TULP4: variants seen among roughly 807,000 people sequenced by gnomAD.
The protein encoded by TULP4 is TUB like protein 4, also known as tubby-related protein 4.
In TULP4, 16 loss-of-function variants were observed where a neutral mutation model predicts 129.0. The ratio of observed to expected loss-of-function variants is 0.12; its 90% confidence interval spans 0.08 to 0.19. The LOEUF (loss-of-function observed/expected upper bound fraction) is 0.19. Ranked by LOEUF, TULP4 falls within the 10% of genes least tolerant of loss-of-function variation. TULP4 has a pLI of 1.00. For missense variants in TULP4, 1,842 were observed against 2,059.1 expected, an observed-to-expected ratio of 0.89 and a Z score of 2.04; for synonymous variants, 998 against 854.0, an observed-to-expected ratio of 1.17 and a Z score of -2.94.
intron 1 of TULP4, among the ~76,000 whole-genome samples, chr6:158,400,805 G>A (rs545316365): frequency 6.6e-6 from 1 of 152,156 alleles, no homozygotes; most frequent in Non-Finnish European, 1.5e-5. Context: ...AGCTAGCCGA[G>A]GTGTGTGTTA....
intron 2 of TULP4, among the ~76,000 whole-genome samples, chr6:158,427,124 C>T (rs1026759858): frequency 6.6e-6 from 1 of 152,128 alleles, no homozygotes; most frequent in African/African-American, 2.4e-5. Flanking sequence ...ATGGTATATT[C>T]ATACAACGGA....
intron 1 of TULP4, among the ~76,000 whole-genome samples, chr6:158,357,909 A>G (rs1780683763): frequency 6.6e-6 from 1 of 152,140 alleles, no homozygotes; most frequent in African/African-American, 2.4e-5. Flanking sequence ...TGGAGTCTTC[A>G]TTACATACTT....
chr6:158,245,820 A>G (rs1407193403), intron 1 of TULP4, among the ~76,000 whole-genome samples: 1 of 152,222 alleles, frequency 6.6e-6, no homozygotes, highest in East Asian at 1.9e-4. Flanking sequence ...ACTTGGAAAC[A>G]TATAGGCACA....
chr6:158,477,820 A>G (rs577685813), intron 6 of TULP4, among the ~76,000 whole-genome samples: 2 of 152,372 alleles, frequency 1.3e-5, no homozygotes, highest in Non-Finnish European at 2.9e-5. Context: ...TGTTCATTGC[A>G]GCACTATTCA....
intron 1 of TULP4, among the ~76,000 whole-genome samples, chr6:158,389,549 G>A (rs1290243587): frequency 2.6e-5 from 4 of 151,962 alleles, no homozygotes; most frequent in African/African-American, 9.7e-5. Flanking sequence ...AATCATATAC[G>A]TTTAAAATTT....
chr6:158,409,551 C>A (rs1778046734), intron 1 of TULP4, among the ~76,000 whole-genome samples: 1 of 152,234 alleles, frequency 6.6e-6, no homozygotes, highest in African/African-American at 2.4e-5. Context: ...ACCCAGCTGG[C>A]CCCCAGCTGG....
Position 158,324,113 on chromosome 6 carries a change from A to T in TULP4, c.252+9845A>T, listed in dbSNP as rs181320119. Among the ~76,000 whole-genome samples the T allele has an allele frequency of 2.0e-5, 3 of 152,298 alleles. No individual in the cohort carries two copies. The East Asian group carries it at 5.8e-4, about 29-fold the overall frequency. ...GAATTTAAACCGATAAAATGCACTT[A>T]CTAGAATTTGATGGATGTTCCGCTT... On this transcript the variant is annotated intron_variant, in intron 1 of 13. Transcript: ENST00000367097.
intron 1 of TULP4, among the ~76,000 whole-genome samples, chr6:158,352,595 C>T (rs917604430): frequency 6.6e-6 from 1 of 152,122 alleles, no homozygotes; most frequent in Non-Finnish European, 1.5e-5. Context: ...TGGGGTTTCA[C>T]CATGTTGGCC....
rs577565363 is a variant in TULP4, at chr6:158,412,646, A to G, written c.253-419A>G. ...ATACGGAAAATTTTGCTTCTGGAGG[A>G]AAATGAACCTAAATAGTACTCACCC... On this transcript the variant is annotated intron_variant, in intron 1 of 13. Transcript: ENST00000367097. 2.8e-4 allele frequency among the ~76,000 whole-genome samples: 42 copies of G among 152,270 alleles called. No individual in the cohort carries two copies. The South Asian group carries it at 8.5e-3, about 31-fold the overall frequency.
intron 6 of TULP4, among the ~76,000 whole-genome samples, chr6:158,464,494 C>A (rs1013483158): frequency 1.3e-5 from 2 of 152,168 alleles, no homozygotes; most frequent in Non-Finnish European, 2.9e-5. Context: ...CAACACCCCC[C>A]GCCGCAAGAC....
chr6:158,364,162 G>A (rs939128749), intron 1 of TULP4, among the ~76,000 whole-genome samples: 1 of 152,124 alleles, frequency 6.6e-6, no homozygotes, highest in African/African-American at 2.4e-5. Flanking sequence ...AAAATAATTT[G>A]AATGCTATGA....
At chr6:158,441,774 C>T (rs1254593705) in intron 3 of TULP4, among the ~76,000 whole-genome samples, 1 of 148,972 alleles carries the variant, frequency 6.7e-6, no homozygotes, top group African/African-American at 2.4e-5. Flanking sequence ...CTTCCCTTCC[C>T]ACACACACAC....
At chr6:158,420,237 A>G (rs1778304631) in intron 2 of TULP4, among the ~76,000 whole-genome samples, 1 of 152,240 alleles carries the variant, frequency 6.6e-6, no homozygotes, top group Non-Finnish European at 1.5e-5. Flanking sequence ...ATAACAAAAT[A>G]TCATTCTTCT....
intron 1 of TULP4, among the ~76,000 whole-genome samples, chr6:158,272,114 GTCC>G (rs1240377193): frequency 3.3e-5 from 5 of 152,162 alleles, no homozygotes; most frequent in Non-Finnish European, 7.3e-5. Flanking sequence ...TGTGGCTACT[GTCC>G]TCGGGGAGGT....
intron 1 of TULP4, among the ~76,000 whole-genome samples, chr6:158,389,169 A>G (rs562665565): frequency 2.0e-5 from 3 of 152,330 alleles, no homozygotes; most frequent in Admixed American, 1.3e-4. Flanking sequence ...TATAAAAGGC[A>G]CCAGGTATGG....
intron 2 of TULP4, among the ~76,000 whole-genome samples, chr6:158,425,153 C>CAAAAAA (rs562712423): frequency 1.8e-4 from 7 of 39,804 alleles, no homozygotes; most frequent in African/African-American, 6.1e-4. Context: ...GACACCATCT[C>CAAAAAA]AAAAAAAAAA....
Position 158,507,073 on chromosome 6 carries a change from TCTC to T in TULP4, c.*384_*386del, listed in dbSNP as rs1780622315. 1 of 188,622 alleles carries T rather than the reference TCTC, an allele frequency of 5.3e-6. No individual in the cohort carries two copies. Among genetic ancestry groups the T allele is most frequent in the African/African-American group, 2.4e-5 (1 of 42,012 alleles). The allele number at this position is 188,622 out of a possible 1,614,324, so 11.7% of individuals were successfully genotyped here. On this transcript the variant is annotated 3_prime_UTR_variant, in exon 14 of 14. Transcript: ENST00000367097. The stretch of plus-strand genomic sequence containing the variant: ...ATAGGGAGGATGCATTATCCTGTAT[TCTC>T]CTCCAACATCACCACTAGCGTAAAA...
At chr6:158,257,196 C>T (rs961393303) in intron 1 of TULP4, among the ~76,000 whole-genome samples, 9 of 152,168 alleles carry the variant, frequency 5.9e-5, no homozygotes, top group Admixed American at 2.0e-4. Context: ...ACCCCTGCCC[C>T]CTCTCCCTCC....
intron 1 of TULP4, among the ~76,000 whole-genome samples, chr6:158,393,036 G>T (rs1777624715): frequency 1.3e-5 from 2 of 151,800 alleles, no homozygotes; most frequent in African/African-American, 2.4e-5. Context: ...AGATACAGTG[G>T]GGGTACATTT....
Sources: gnomAD v4.1 joint callset for allele counts (sites outside exome capture counted in the v4.1 genomes callset) on GRCh38, gnomAD v4.1.1 for gene constraint, MANE v1.5 for transcripts, NCBI Gene and HGNC (gene_info 2026-07-23, HGNC 2026-07-21) for gene names.